Variants in BAZ1A observed in about 807,000 individuals in gnomAD.
The protein encoded by BAZ1A is bromodomain adjacent to zinc finger domain 1A.
BAZ1A carries 50 observed loss-of-function variants against 185.2 expected under a neutral mutation model. That is an observed-to-expected ratio of 0.27 (90% CI 0.22 to 0.34). BAZ1A has a LOEUF of 0.34. Ranked by LOEUF, BAZ1A falls within the 10% of genes least tolerant of loss-of-function variation. The pLI is 1.00. For synonymous variants in BAZ1A, 571 were observed against 615.6 expected (o/e 0.93, Z 1.07); for missense variants, 1,356 against 1,839.9 (o/e 0.74, Z 4.81).
chr14:34,803,108 C>T, intron 6 of BAZ1A, 120 bp from the exon 7 acceptor site: 3 of 1,095,020 alleles, frequency 2.7e-6, no homozygotes, highest in Non-Finnish European at 1.3e-6. Flanking sequence ...AGGCTGGGCA[C>T]AGTGGCTCAT....
At chr14:34,840,060 C>T in intron 3 of BAZ1A, among the ~76,000 whole-genome samples, 1 of 152,012 alleles carries the variant, frequency 6.6e-6, no homozygotes, top group East Asian at 1.9e-4. Flanking sequence ...AAAAGCTTAT[C>T]TGAATACAAG....
chr14:34,849,758 T>G (rs896263233), intron 3 of BAZ1A, among the ~76,000 whole-genome samples: 1 of 152,208 alleles, frequency 6.6e-6, no homozygotes, highest in African/African-American at 2.4e-5. Flanking sequence ...TAGAGTTTTT[T>G]AACTGCTGCT....
chr14:34,786,766 C>A (rs1161557272), intron 12 of BAZ1A, among the ~76,000 whole-genome samples: 1 of 151,716 alleles, frequency 6.6e-6, no homozygotes, highest in Non-Finnish European at 1.5e-5. Context: ...TGCCACCACG[C>A]CCGGCTAATT....
intron 11 of BAZ1A, among the ~76,000 whole-genome samples, chr14:34,794,221 A>T (rs1424728455): frequency 6.6e-6 from 1 of 152,240 alleles, no homozygotes; most frequent in Non-Finnish European, 1.5e-5. Context: ...GACAGCCAAA[A>T]ATTCAAAATT....
chr14:34,860,353 C>G (rs907055149), intron 3 of BAZ1A, among the ~76,000 whole-genome samples: 1 of 151,296 alleles, frequency 6.6e-6, no homozygotes, highest in African/African-American at 2.4e-5. Context: ...ACAAAAAATA[C>G]AAAAATGAGT....
chr14:34,832,277 G>A (rs1199447144), intron 3 of BAZ1A, among the ~76,000 whole-genome samples: 3 of 144,898 alleles, frequency 2.1e-5, no homozygotes, highest in African/African-American at 5.1e-5. Flanking sequence ...AGAACAGATG[G>A]CTTCACTGGG....
At chr14:34,854,803 G>A (rs1487220822) in intron 3 of BAZ1A, among the ~76,000 whole-genome samples, 6 of 152,112 alleles carry the variant, frequency 3.9e-5, no homozygotes, top group Middle Eastern at 3.4e-3. Flanking sequence ...GTGTTGGCTC[G>A]GCACAGTGGC....
chr14:34,786,992 A>G (rs1045955968), intron 12 of BAZ1A, among the ~76,000 whole-genome samples: 11 of 152,190 alleles, frequency 7.2e-5, no homozygotes, highest in African/African-American at 2.7e-4. Context: ...AGCTAAAAAA[A>G]AGTTAAAGAT....
chr14:34,760,483 A>C (rs1458166511), intron 24 of BAZ1A, among the ~76,000 whole-genome samples: 1 of 131,708 alleles, frequency 7.6e-6, no homozygotes, highest in Non-Finnish European at 1.6e-5. Flanking sequence ...TCTGAAGAAC[A>C]GTGGCTTTTT....
chr14:34,843,434 C>T (rs1782660910), intron 3 of BAZ1A, among the ~76,000 whole-genome samples: 1 of 152,102 alleles, frequency 6.6e-6, no homozygotes. Flanking sequence ...GGGCTAGTCG[C>T]CTGTAGAATA....
At chr14:34,875,047 C>T (rs1170495510) in intron 1 of BAZ1A, 91 bp downstream of exon 1, 1 of 261,680 alleles carries the variant, frequency 3.8e-6, no homozygotes, top group Non-Finnish European at 7.6e-6. Flanking sequence ...CCAGAGCGCT[C>T]GCCGCGGGCG....
chr14:34,774,223 TA>T (rs1594823640), intron 19 of BAZ1A, 103 bp downstream of exon 19: 11 of 847,704 alleles, frequency 1.3e-5, no homozygotes, highest in East Asian at 1.2e-4. Flanking sequence ...CTCTGGTGTT[TA>T]TTCAAAACAC....
Position 34,785,749 on chromosome 14 carries a change from T to A in BAZ1A, c.1831+28A>T, listed in dbSNP as rs1390678332. On this transcript the variant is annotated intron_variant, in intron 14 of 26. Coordinates refer to ENST00000360310, the MANE Select transcript of BAZ1A (RefSeq NM_013448.3). The stretch of plus-strand genomic sequence containing the variant: ...CATAAGAGGGAGGAAGTGGGCAGGT[T>A]ATGCAAATTCCAACTTGCAAAGCTT... 3 of 1,602,450 alleles carry A rather than the reference T, an allele frequency of 1.9e-6. No individual in the cohort carries two copies. In the African/African-American group the frequency reaches 4.0e-5, roughly 21 times the overall value.
chr14:34,779,412 A>G (rs1044311677), intron 17 of BAZ1A, among the ~76,000 whole-genome samples: 2 of 145,278 alleles, frequency 1.4e-5, no homozygotes, highest in Non-Finnish European at 3.1e-5. Context: ...TTTTGACCCA[A>G]TATTTAGAAA....
chr14:34,874,713 G>A lies in BAZ1A; in HGVS notation c.-58-51C>T. ...GCCGGTAAGGTGGGGAGCCCTCGGC[G>A]GCAGCGTGGGCCGGTCCGCGCGCTG... On this transcript the variant is annotated intron_variant, in intron 1 of 26. Transcript: ENST00000360310. The surrounding 1 kb of genome is among the most constrained non-coding windows in gnomAD (Gnocchi z 4.7). 2.3e-6 allele frequency: 2 copies of A among 871,662 alleles called. No individual in the cohort carries two copies. The highest frequency in any genetic ancestry group is 3.6e-5 in the South Asian group (2 of 55,992). 54.0% of individuals were successfully genotyped at this position (871,662 alleles called of 1,614,324 possible). A position where few individuals can be genotyped will look rare whatever the true frequency, so the allele number is the denominator to read the frequency against.
At chr14:34,834,439 G>A (rs1315686980) in intron 3 of BAZ1A, among the ~76,000 whole-genome samples, 4 of 152,080 alleles carry the variant, frequency 2.6e-5, no homozygotes, top group Non-Finnish European at 5.9e-5. Context: ...GACCACAGTA[G>A]GTCCCACAGG....
At chr14:34,821,880 A>G (rs974139195) in intron 4 of BAZ1A, among the ~76,000 whole-genome samples, 2 of 152,122 alleles carry the variant, frequency 1.3e-5, no homozygotes, top group Admixed American at 6.6e-5. Context: ...GCTACTCCGG[A>G]GGCTGAGGCA....
chr14:34,791,581 AC>A (rs1004683157), intron 12 of BAZ1A, among the ~76,000 whole-genome samples: 1 of 152,196 alleles, frequency 6.6e-6, no homozygotes, highest in Non-Finnish European at 1.5e-5. Context: ...TGCTTCAGAG[AC>A]CAGGCATGAA....
At chr14:34,822,872 T>C (rs946698159) in intron 4 of BAZ1A, among the ~76,000 whole-genome samples, 18 of 152,322 alleles carry the variant, frequency 1.2e-4, no homozygotes, top group African/African-American at 4.3e-4. Context: ...AATTGAAATT[T>C]TGAATTAATG....
Sources: allele counts gnomAD v4.1 joint callset (sites outside exome capture counted in the v4.1 genomes callset), GRCh38; gene constraint gnomAD v4.1.1; non-coding constraint Gnocchi (gnomAD v3.1); transcripts MANE v1.5; gene names NCBI Gene and HGNC (gene_info 2026-07-23, HGNC 2026-07-21).